The following SPTB variants were observed in gnomAD, a reference collection of about 807,000 sequenced individuals.
SPTB encodes the protein spectrin beta, erythrocytic.
A neutral mutation model predicts 256.2 loss-of-function variants in SPTB; 45 were observed. The observed-to-expected ratio is 0.18, with a 90% CI of 0.14 to 0.23. The LOEUF (loss-of-function observed/expected upper bound fraction) is 0.23. SPTB is among the 10% of genes least tolerant of loss of function. The probability of loss-of-function intolerance (pLI) is 1.00; values close to 1 mark genes in which losing one functional copy is unlikely to be tolerated. For missense variants in SPTB, 2,715 were observed against 3,040.4 expected (o/e 0.89, Z 2.52); for synonymous variants, 1,231 against 1,243.1 (o/e 0.99, Z 0.21).
At position 64,749,735 on chromosome 14, in the gene SPTB, T is replaced by C. The variant is rs1566729982; in HGVS notation, c.6777-39A>G. ...GGGTTTCCTGTCATGGAGACACCTC[T>C]GGAGGGGGCGCTGGGCAGAGGGCTG... On this transcript the variant is annotated intron_variant, in intron 34 of 35. Transcript: ENST00000644917. The surrounding 1 kb of genome is among the most constrained non-coding windows in gnomAD (Gnocchi z 4.7). The C allele has an allele frequency of 1.9e-6, 3 of 1,608,562 alleles. No homozygotes were observed. The highest frequency in any genetic ancestry group is 2.5e-6 in the Non-Finnish European group (3 of 1,177,418).
In SPTB at chr14:64,837,419, A is replaced by G. The variant is rs533108854; in HGVS notation, c.-51-14274T>C. 2.6e-5 allele frequency among the ~76,000 whole-genome samples: 4 copies of G among 152,298 alleles called. No homozygotes were observed. The South Asian group carries it at 8.3e-4, about 32-fold the overall frequency. On this transcript the variant is annotated intron_variant, in intron 1 of 35. Transcript: ENST00000644917. ...TATAAGACAATATGGGCAAGATCTA[A>G]AAACATTAAAGAAAGAAACCAAAGA...
chr14:64,765,017 AGTGTGTGC>A (rs1555366129), intron 32 of SPTB, among the ~76,000 whole-genome samples: 4 of 108,860 alleles, frequency 3.7e-5, no homozygotes, highest in African/African-American at 3.8e-5. Flanking sequence ...GCCACAGAGG[AGTGTGTGC>A]GTGTGTGTGT....
chr14:64,805,195 C>T (rs2082960926), intron 2 of SPTB, 105 bp from the exon 3 acceptor site: 4 of 1,309,814 alleles, frequency 3.1e-6, no homozygotes, highest in South Asian at 1.2e-5. Context: ...CCATGCTTGG[C>T]AGAGGAAGTC....
chr14:64,804,577 G>A (rs2082947494), intron 3 of SPTB, among the ~76,000 whole-genome samples: 1 of 152,186 alleles, frequency 6.6e-6, no homozygotes, highest in African/African-American at 2.4e-5. Context: ...AAAACACACA[G>A]TAAAATGGCT....
intron 2 of SPTB, among the ~76,000 whole-genome samples, chr14:64,813,981 G>C (rs759228130): frequency 4.6e-5 from 7 of 152,218 alleles, no homozygotes; most frequent in Non-Finnish European, 7.3e-5. Flanking sequence ...AGTTAGGGAA[G>C]GAATTTTCCT....
Position 64,795,290 on chromosome 14 carries a change from C to G in SPTB, c.1644+47G>C. The G allele has an allele frequency of 3.8e-6, 6 of 1,599,516 alleles. No individual in the cohort carries two copies. The highest frequency in any genetic ancestry group is 5.1e-6 in the Non-Finnish European group (6 of 1,178,016). ...TGCTAACTGCAGGGCCACTGAGACCCAAGGTGAGCACTGCAGGGCATGGCG... is the reference window on the plus strand; with the variant it reads ...TGCTAACTGCAGGGCCACTGAGACCGAAGGTGAGCACTGCAGGGCATGGCG... On this transcript the variant is annotated intron_variant, in intron 12 of 35. Transcript: ENST00000644917. The surrounding 1 kb of genome is among the most constrained non-coding windows in gnomAD (Gnocchi z 6.5).
Position 64,785,774 on chromosome 14 carries a change from C to G in SPTB, c.3739G>C (p.Glu1247Gln). The G allele has an allele frequency of 6.2e-7, 1 of 1,614,108 alleles. No individual in the cohort carries two copies. Among genetic ancestry groups the G allele is most frequent in the Non-Finnish European group, 8.5e-7 (1 of 1,180,026 alleles). Residue 1247 changes from glutamate to glutamine, a missense_variant, in exon 17 of 36, where the codon GAG becomes CAG. This residue lies in a region of SPTB where 2,239 missense variants were observed against 2,384.4 expected (regional missense o/e 0.94). Coordinates refer to ENST00000644917, the MANE Select transcript of SPTB (RefSeq NM_001355436.2). The surrounding 1 kb of genome is among the most constrained non-coding windows in gnomAD (Gnocchi z 4.4). ...EGNLYSDKIK[E>Q]KVQLIEDRHR... Reference sequence around the variant, plus strand: ...CTGTCCTCAATCAGCTGCACCTTCTCCTTGATCTTGTCTGAGTATAGGTTT... The same window carrying G: ...CTGTCCTCAATCAGCTGCACCTTCTGCTTGATCTTGTCTGAGTATAGGTTT...
intron 32 of SPTB, chr14:64,754,134 G>A (rs1179364884): frequency 1.2e-5 from 5 of 425,062 alleles, no homozygotes; most frequent in Admixed American, 1.1e-4. Context: ...GTGAGGGGGG[G>A]CAGGTTCCAA....
rs768752865 is a variant in SPTB, at chr14:64,844,362, AC to A, written c.-51-21218del. Among the ~76,000 whole-genome samples the A allele has an allele frequency of 2.6e-5, 4 of 152,240 alleles. No individual in the cohort carries two copies. Among genetic ancestry groups the A allele is most frequent in the Non-Finnish European group, 5.9e-5 (4 of 68,046 alleles). ...CCCCAACAACAGACATTTGTAGAAT[AC>A]CATCACCCCCAACAACGAAACAACC... On this transcript the variant is annotated intron_variant, in intron 1 of 35. Transcript: ENST00000644917. The surrounding 1 kb of genome is among the most constrained non-coding windows in gnomAD (Gnocchi z 4.1).
chr14:64,774,543 CG>C lies in SPTB; in HGVS notation c.4843-17del. The C allele has an allele frequency of 6.4e-7, 1 of 1,552,254 alleles. No homozygotes were observed. Among genetic ancestry groups the C allele is most frequent in the Non-Finnish European group, 8.7e-7 (1 of 1,147,560 alleles). ...CCTCTTCATCCTAGGAGGCAGCAGA[CG>C]GTCAGCGCCAGAGCTCAGTCTGGCC... On this transcript the variant is annotated splice_polypyrimidine_tract_variant and intron_variant, in intron 23 of 35. Coordinates refer to ENST00000644917, the MANE Select transcript of SPTB (RefSeq NM_001355436.2).
At chr14:64,751,415 C>T (rs1299464780) in intron 33 of SPTB, among the ~76,000 whole-genome samples, 5 of 152,016 alleles carry the variant, frequency 3.3e-5, no homozygotes, top group South Asian at 2.1e-4. Flanking sequence ...CCACCACGCC[C>T]GGCCCCTATC....
At chr14:64,856,737 A>C (rs1334865255) in intron 1 of SPTB, among the ~76,000 whole-genome samples, 3 of 152,242 alleles carry the variant, frequency 2.0e-5, no homozygotes, top group Non-Finnish European at 4.4e-5. Context: ...AGAAACTCTC[A>C]AGGGAGAAGG....
rs2083365590 is a variant in SPTB, at chr14:64,825,505, G to A, written c.-51-2360C>T. ...CCTTAAGGGAAACTACCACTGACTTGGTCTCTGAGCCAGAGAGGGACTGAC... is the reference window on the plus strand; with the variant it reads ...CCTTAAGGGAAACTACCACTGACTTAGTCTCTGAGCCAGAGAGGGACTGAC... On this transcript the variant is annotated intron_variant, in intron 1 of 35. Coordinates refer to ENST00000644917, the MANE Select transcript of SPTB (RefSeq NM_001355436.2). The surrounding 1 kb of genome is among the most constrained non-coding windows in gnomAD (Gnocchi z 4.8). Among the ~76,000 whole-genome samples the A allele has an allele frequency of 6.6e-6, 1 of 150,806 alleles. No homozygotes were observed.
In SPTB at chr14:64,844,388, C is replaced by G. The variant is rs1043668014; in HGVS notation, c.-51-21243G>C. ...CCATCACCCCCAACAACGAAACAACCATGTTTAGTGAGTACTTAGAACATG... is the reference window on the plus strand; with the variant it reads ...CCATCACCCCCAACAACGAAACAACGATGTTTAGTGAGTACTTAGAACATG... On this transcript the variant is annotated intron_variant, in intron 1 of 35. Transcript: ENST00000644917. The surrounding 1 kb of genome is among the most constrained non-coding windows in gnomAD (Gnocchi z 4.1). Among the ~76,000 whole-genome samples, 67 of 152,178 alleles carry G rather than the reference C, an allele frequency of 4.4e-4. No individual in the cohort carries two copies. Among genetic ancestry groups the G allele is most frequent in the Non-Finnish European group, 1.5e-4 (10 of 68,034 alleles).
At chr14:64,839,406 T>A (rs983283911) in intron 1 of SPTB, among the ~76,000 whole-genome samples, 7 of 152,122 alleles carry the variant, frequency 4.6e-5, no homozygotes, top group African/African-American at 1.7e-4. Flanking sequence ...AAATCAGTGG[T>A]TGCCAGGGGT....
Position 64,779,090 on chromosome 14 carries a change from TACCCCCGTGGGGCCA to T in SPTB, c.4563+52_4563+66del. The T allele has an allele frequency of 1.5e-5, 20 of 1,304,672 alleles. No homozygotes were observed. In the South Asian group the frequency reaches 2.5e-4, roughly 16 times the overall value. 80.8% of individuals were successfully genotyped at this position (1,304,672 alleles called of 1,614,324 possible). On this transcript the variant is annotated intron_variant, in intron 22 of 35. Coordinates refer to ENST00000644917, the MANE Select transcript of SPTB (RefSeq NM_001355436.2). This position sits in a 1 kb window ranked among gnomAD's most constrained non-coding sequence, Gnocchi z 4.2. ...GCCTTCTGCAGGTCAGGGCTGGGCC[TACCCCCGTGGGGCCA>T]GGTGGGGGTGAGGAGGGGTGGGTGG...
Position 64,772,335 on chromosome 14 carries a change from G to C in SPTB, c.5553+245C>G, listed in dbSNP as rs1459631117. On this transcript the variant is annotated intron_variant, in intron 26 of 35. Transcript: ENST00000644917. This position sits in a 1 kb window ranked among gnomAD's most constrained non-coding sequence, Gnocchi z 5.4. Reference sequence around the variant, plus strand: ...TGTCCACTAATAGTACTGCACAACTGGAGAAACTGCAACCGTATAGTATTG... The same window carrying C: ...TGTCCACTAATAGTACTGCACAACTCGAGAAACTGCAACCGTATAGTATTG... Among the ~76,000 whole-genome samples, 6 of 152,228 alleles carry C rather than the reference G, an allele frequency of 3.9e-5. No individual in the cohort carries two copies. The highest frequency in any genetic ancestry group is 1.4e-4 in the African/African-American group (6 of 41,464).
chr14:64,798,660 T>C (rs1416483321), intron 9 of SPTB, among the ~76,000 whole-genome samples: 5 of 152,228 alleles, frequency 3.3e-5, no homozygotes, highest in African/African-American at 1.2e-4. Flanking sequence ...AGCCAAGAGA[T>C]AACACCTCTG....
chr14:64,756,612 A>C (rs982211330), intron 32 of SPTB: 1 of 152,216 alleles, frequency 6.6e-6, no homozygotes, highest in African/African-American at 2.4e-5. Flanking sequence ...ATTTTCCTTC[A>C]GTAAACCTTT....
Sources: gnomAD v4.1 joint callset for allele counts (sites outside exome capture counted in the v4.1 genomes callset) on GRCh38, gnomAD v4.1.1 for gene constraint, gnomAD v4.1.1 regional missense constraint, Gnocchi (gnomAD v3.1) non-coding constraint, MANE v1.5 for transcripts, NCBI Gene and HGNC (gene_info 2026-07-23, HGNC 2026-07-21) for gene names.